The following FASTKD1 variants were observed in gnomAD, a reference collection of about 807,000 sequenced individuals.
FASTKD1 encodes the protein FAST kinase domain-containing protein 1, mitochondrial.
FASTKD1 carries 94 observed loss-of-function variants against 90.9 expected under a neutral mutation model. That is an observed-to-expected ratio of 1.03 (90% confidence interval 0.88 to 1.23). The LOEUF is 1.23. Among genes scored for constraint, FASTKD1 ranks in the 50% most tolerant of loss-of-function variants. The pLI is 0.00. For synonymous variants in FASTKD1, 319 were observed against 345.8 expected, an observed-to-expected ratio of 0.92 and a Z score of 0.86; for missense variants, 945 against 993.5, an observed-to-expected ratio of 0.95 and a Z score of 0.66.
chr2:169,547,387 C>G (rs1303401873), intron 7 of FASTKD1, among the ~76,000 whole-genome samples: 1 of 152,094 alleles, frequency 6.6e-6, no homozygotes, highest in Non-Finnish European at 1.5e-5. Context: ...GGTGGGATCT[C>G]TCAGGGGAGC....
At chr2:169,544,919 T>C (rs1204414367) in intron 8 of FASTKD1, 84 bp from the exon 9 acceptor site, 2 of 690,162 alleles carry the variant, frequency 2.9e-6, no homozygotes, top group Non-Finnish European at 4.9e-6. Flanking sequence ...TTAGGAGAAA[T>C]CTTTTCCTAT....
Position 169,530,572 on chromosome 2 carries a change from A to C in FASTKD1, c.2442+15T>G. On this transcript the variant is annotated intron_variant, in intron 14 of 14. Transcript: ENST00000453153. ...CTGGGCTTTTTAGAGGCTGAATTAC[A>C]TGAGTATTTCATACCTGAATTACAC... 6.9e-7 allele frequency: 1 copy of C among 1,457,182 alleles called. No individual in the cohort carries two copies. The highest frequency in any genetic ancestry group is 9.5e-7 in the Non-Finnish European group (1 of 1,053,522). 90.3% of individuals were successfully genotyped at this position (1,457,182 alleles called of 1,614,324 possible). A position where few individuals can be genotyped will look rare whatever the true frequency, so the allele number is the denominator to read the frequency against.
intron 9 of FASTKD1, among the ~76,000 whole-genome samples, chr2:169,541,381 A>T (rs1380156609): frequency 6.6e-6 from 1 of 152,228 alleles, no homozygotes; most frequent in Non-Finnish European, 1.5e-5. Context: ...TCTGGTTGTC[A>T]ACACATGACT....
In FASTKD1 at chr2:169,557,255, G is replaced by T; in HGVS notation, c.1014C>A (p.Gly338=). 3 of 1,611,320 alleles carry T rather than the reference G, an allele frequency of 1.9e-6. No individual in the cohort carries two copies. Among genetic ancestry groups the T allele is most frequent in the Non-Finnish European group, 2.5e-6 (3 of 1,178,718 alleles). ...TMLLMSEDLT[G]EQALAVLGAM... is the part of the protein sequence containing the mutation. ...CTCCCAACACTGCCAGGGCTTGCTCGCCAGTTAGGTCCTCTGACATCAATA... is the reference window on the plus strand; with the variant it reads ...CTCCCAACACTGCCAGGGCTTGCTCTCCAGTTAGGTCCTCTGACATCAATA... The change falls in exon 6 of 15, where the codon GGC becomes GGA. Residue 338 remains glycine (G), a synonymous_variant. Transcript: ENST00000453153.
intron 1 of FASTKD1, among the ~76,000 whole-genome samples, chr2:169,572,423 C>T (rs1437552873): frequency 6.6e-6 from 1 of 151,676 alleles, no homozygotes; most frequent in Non-Finnish European, 1.5e-5. Context: ...AAAAAAAAAG[C>T]CCACAAACTC....
intron 3 of FASTKD1, 78 bp downstream of exon 3, chr2:169,569,106 T>G: frequency 8.3e-7 from 1 of 1,206,534 alleles, no homozygotes; most frequent in South Asian, 1.3e-5. Context: ...CAGTTCCCTG[T>G]TCTTTCCCTT....
chr2:169,567,046 C>T (rs959309005), intron 3 of FASTKD1, among the ~76,000 whole-genome samples: 6 of 151,518 alleles, frequency 4.0e-5, no homozygotes, highest in East Asian at 3.9e-4. Flanking sequence ...ACCCAGGAGG[C>T]GGAGCTTGCA....
At chr2:169,553,973 T>C (rs1420202874) in intron 7 of FASTKD1, among the ~76,000 whole-genome samples, 1 of 151,012 alleles carries the variant, frequency 6.6e-6, no homozygotes, top group African/African-American at 2.4e-5. Flanking sequence ...GGCATGCTGG[T>C]TCAAGCCTGT....
rs1312975952 is a variant in FASTKD1 at position 169,571,672 on chromosome 2, C to T, written c.358G>A (p.Val120Met). Residue 120 changes from valine to methionine, a missense_variant, in exon 2 of 15, where the codon GTG (valine) becomes ATG (methionine). Val to Met is a conservative substitution (Grantham distance 21). Transcript: ENST00000453153. The stretch of plus-strand genomic sequence containing the variant: ...ACTTACTGTTGTGTGACGTATAACA[C>T]ATTCACCAGGGTATCGTCATTCATT... The part of the protein sequence containing the change: ...KLMNDDTLVN[V>M]LYVTQQFAGE... The T allele has an allele frequency of 1.9e-6, 3 of 1,601,708 alleles. No individual in the cohort carries two copies. The highest frequency in any genetic ancestry group is 2.6e-6 in the Non-Finnish European group (3 of 1,170,258).
At chr2:169,556,639 C>G (rs1683328646) in intron 6 of FASTKD1, among the ~76,000 whole-genome samples, 1 of 151,936 alleles carries the variant, frequency 6.6e-6, no homozygotes, top group African/African-American at 2.4e-5. Context: ...GCCTGGCCAA[C>G]ACAGTGAAAC....
At chr2:169,530,105 C>T (rs573046245) in intron 14 of FASTKD1, among the ~76,000 whole-genome samples, 179 bp from the exon 15 acceptor site, 1 of 152,120 alleles carries the variant, frequency 6.6e-6, no homozygotes, top group East Asian at 1.9e-4. Flanking sequence ...GCCTAGAATA[C>T]TTTTTTCTGC....
chr2:169,541,398 C>T (rs1028392084), intron 9 of FASTKD1, among the ~76,000 whole-genome samples: 2 of 152,134 alleles, frequency 1.3e-5, no homozygotes, highest in Non-Finnish European at 2.9e-5. Flanking sequence ...GACTGAACAA[C>T]CAGGAGAATA....
At position 169,560,770 on chromosome 2, in the gene FASTKD1, C is replaced by A. The variant is rs1440253848; in HGVS notation, c.588G>T (p.Leu196Phe). The A allele has an allele frequency of 6.8e-7, 1 of 1,475,692 alleles. No individual in the cohort carries two copies. Among genetic ancestry groups the A allele is most frequent in the Non-Finnish European group, 9.0e-7 (1 of 1,112,832 alleles). The allele number at this position is 1,475,692 out of a possible 1,614,324, so 91.4% of individuals were successfully genotyped here. Residue 196 changes from leucine to phenylalanine, a missense_variant, in exon 5 of 15, where the codon TTG (leucine) becomes TTT (phenylalanine). By Grantham distance (22) the Leu-to-Phe change is conservative. Transcript: ENST00000453153. ...TTQDLSSLSVLMVNISSLISR... is the reference protein window; with the variant it reads ...TTQDLSSLSVFMVNISSLISR... ...ATATTAAAGAAGATATGTTGACCATCAAGACAGACAAGGAACTGAAAAAGA... is the reference window on the plus strand; with the variant it reads ...ATATTAAAGAAGATATGTTGACCATAAAGACAGACAAGGAACTGAAAAAGA...
At position 169,540,099 on chromosome 2, in the gene FASTKD1, C is replaced by A; in HGVS notation, c.1897G>T (p.Ala633Ser). The A allele has an allele frequency of 1.2e-6, 2 of 1,609,136 alleles. No individual in the cohort carries two copies. The highest frequency in any genetic ancestry group is 1.3e-5 in the African/African-American group (1 of 74,848). The change falls in exon 10 of 15, where the codon GCA becomes TCA. Residue 633 changes from alanine to serine, a missense_variant. Physicochemically the swap from Ala to Ser is moderately conservative, Grantham distance 99. Coordinates refer to ENST00000453153, the MANE Select transcript of FASTKD1 (RefSeq NM_024622.6). ...GCTAAGAATTTGATGTTAAAAATTG[C>A]CTTTAGCAGATCTTCTGGAAAATAT... ...LEYFPEDLLK[A>S]IFNIKFLARL... is the part of the protein sequence containing the mutation.
chr2:169,573,853 G>GC lies in FASTKD1; in HGVS notation c.-328dup, dbSNP rs906895445. On this transcript the variant is annotated 5_prime_UTR_variant, in exon 1 of 15. Transcript: ENST00000453153. ...GACATGACCTTTCCCATGAGACCTT[G>GC]CCCCCAAACCAGGAAAAAATGCCCG... The GC allele has an allele frequency of 6.6e-6, 1 of 152,190 alleles. No individual in the cohort carries two copies. The highest frequency in any genetic ancestry group is 2.4e-5 in the African/African-American group (1 of 41,412). The allele number at this position is 152,190 out of a possible 1,614,324, so 9.4% of individuals were successfully genotyped here.
intron 9 of FASTKD1, among the ~76,000 whole-genome samples, chr2:169,544,146 C>CAG (rs1481577867): frequency 1.3e-5 from 2 of 152,094 alleles, no homozygotes; most frequent in East Asian, 3.8e-4. Context: ...ATAAGAGAGT[C>CAG]AGAGAAACAA....
rs1559157604 is a variant in FASTKD1, at chr2:169,562,073, A to AATTATTTGTTAATTTATTGTAAAT, written c.572+1151_572+1152insATTTACAATAAATTAACAAATAAT. Among the ~76,000 whole-genome samples the AATTATTTGTTAATTTATTGTAAAT allele has an allele frequency of 4.2e-4, 13 of 30,960 alleles. 3 individuals carry two copies. The highest frequency in any genetic ancestry group is 6.6e-4 in the Non-Finnish European group (11 of 16,752). The allele number at this position is 30,960 out of a possible 152,430, so 20.3% of individuals were successfully genotyped here. On this transcript the variant is annotated intron_variant, in intron 4 of 14. Transcript: ENST00000453153. ...TAATTATTTATTAATTTATTGTAAA[A>AATTATTTGTTAATTTATTGTAAAT]TAATTATTTATTAATTTATTGTAAA... is the stretch of plus-strand genomic sequence containing the variant.
chr2:169,567,667 A>T (rs1307043715), intron 3 of FASTKD1, among the ~76,000 whole-genome samples: 1 of 152,198 alleles, frequency 6.6e-6, no homozygotes, highest in Non-Finnish European at 1.5e-5. Context: ...AAAATATTTT[A>T]AAAATCAGAA....
intron 8 of FASTKD1, 22 bp downstream of exon 8, chr2:169,546,193 TTAA>T: frequency 6.6e-7 from 1 of 1,516,862 alleles, no homozygotes; most frequent in Non-Finnish European, 8.8e-7. Flanking sequence ...CTCTATAAAA[TTAA>T]TGTCTACCAT....
Sources: allele counts gnomAD v4.1 joint callset (sites outside exome capture counted in the v4.1 genomes callset), GRCh38; gene constraint gnomAD v4.1.1; transcripts MANE v1.5; gene names NCBI Gene and HGNC (gene_info 2026-07-23, HGNC 2026-07-21).